SH3TC2: variants seen among roughly 807,000 people sequenced by gnomAD.
SH3TC2 encodes SH3 domain and tetratricopeptide repeats 2, also known as SH3 domain and tetratricopeptide repeat-containing protein 2.
In SH3TC2, 87 loss-of-function variants were observed where a neutral mutation model predicts 124.5. That is an observed-to-expected ratio of 0.70 (90% CI 0.59 to 0.84). The LOEUF (loss-of-function observed/expected upper bound fraction) is 0.84, where lower values mean the gene tolerates loss of function less well. Ranked by LOEUF, SH3TC2 falls within the 40% of genes least tolerant of loss-of-function variation. SH3TC2 has a pLI of 0.00. For missense variants in SH3TC2, 1,536 were observed against 1,566.4 expected (o/e 0.98, Z 0.33); for synonymous variants, 634 against 628.5 (o/e 1.01, Z -0.13).
At position 149,004,686 on chromosome 5, in the gene SH3TC2, A is replaced by T. The variant is rs1166829535; in HGVS notation, c.*25T>A. 2 of 1,611,684 alleles carry T rather than the reference A, an allele frequency of 1.2e-6. No homozygotes were observed. Among genetic ancestry groups the T allele is most frequent in the Admixed American group, 3.3e-5 (2 of 59,988 alleles). ...TGGGGTCAGAGTCTGGCCATGCCAA[A>T]TGTCCAGAGACAGGACAGCTTTCCT... On this transcript the variant is annotated 3_prime_UTR_variant, in exon 17 of 17. Transcript: ENST00000515425.
chr5:149,006,857 A>G, intron 16 of SH3TC2, 24 bp downstream of exon 16: 1 of 1,611,074 alleles, frequency 6.2e-7, no homozygotes. Flanking sequence ...GGCTGTCAGG[A>G]AATCTGGGAA....
chr5:149,048,089 C>T, intron 2 of SH3TC2, 100 bp from the exon 3 acceptor site: 1 of 1,512,510 alleles, frequency 6.6e-7, no homozygotes, highest in Non-Finnish European at 9.1e-7. Context: ...ATACCTGAAC[C>T]CTCAACTGGT....
chr5:149,018,450 G>A (rs1021491969), intron 12 of SH3TC2, among the ~76,000 whole-genome samples: 4 of 152,134 alleles, frequency 2.6e-5, no homozygotes, highest in African/African-American at 9.7e-5. Context: ...GGCTGGGAAG[G>A]CCTCACAATC....
intron 12 of SH3TC2, among the ~76,000 whole-genome samples, chr5:149,024,691 C>T (rs886886628): frequency 6.6e-6 from 1 of 152,164 alleles, no homozygotes; most frequent in Non-Finnish European, 1.5e-5. Context: ...GATTGCTTTC[C>T]TCCCAGCTCT....
intron 2 of SH3TC2, among the ~76,000 whole-genome samples, chr5:149,048,257 T>C (rs899614147): frequency 6.6e-6 from 1 of 152,198 alleles, no homozygotes. Context: ...GTACGGGGTT[T>C]ATTCCTACAC....
chr5:149,048,027 T>C (rs764516364), intron 2 of SH3TC2, 38 bp from the exon 3 acceptor site: 17 of 1,612,206 alleles, frequency 1.1e-5, no homozygotes, highest in African/African-American at 2.7e-5. Flanking sequence ...AGGCTGAAAA[T>C]AGAATAAAAA....
intron 12 of SH3TC2, among the ~76,000 whole-genome samples, chr5:149,024,704 G>A (rs562420420): frequency 1.3e-5 from 2 of 152,268 alleles, no homozygotes; most frequent in East Asian, 3.9e-4. Context: ...CCAGCTCTGT[G>A]GCTTCTGACT....
intron 9 of SH3TC2, 80 bp from the exon 10 acceptor site, chr5:149,028,798 A>C: frequency 6.9e-7 from 1 of 1,458,914 alleles, no homozygotes; most frequent in Non-Finnish European, 9.6e-7. Flanking sequence ...ACCCCAGATC[A>C]GTGGCCTCTT....
intron 12 of SH3TC2, among the ~76,000 whole-genome samples, chr5:149,016,607 A>G (rs1753876401): frequency 6.6e-6 from 1 of 152,208 alleles, no homozygotes; most frequent in Non-Finnish European, 1.5e-5. Flanking sequence ...TCAGTTCCAG[A>G]AAAATAAGAA....
intron 12 of SH3TC2, 132 bp downstream of exon 12, chr5:149,026,440 C>A: frequency 9.4e-7 from 1 of 1,068,862 alleles, no homozygotes; most frequent in Non-Finnish European, 1.4e-6. Flanking sequence ...GTGGTGGCTG[C>A]AGAGCCCTTG....
In SH3TC2 at chr5:148,988,665, C is replaced by A. The variant is rs749545774; in HGVS notation, c.*16046G>T. On this transcript the variant is annotated 3_prime_UTR_variant, in exon 17 of 17. Transcript: ENST00000515425. ...GAGGAAGCCATCTTCGATGCCCAGC[C>A]CAGAGGAGCCTTTGATGACTCCAGC... Among the ~76,000 whole-genome samples, 2 of 152,188 alleles carry A rather than the reference C, an allele frequency of 1.3e-5. No individual in the cohort carries two copies. The highest frequency in any genetic ancestry group is 2.4e-5 in the African/African-American group (1 of 41,444).
In SH3TC2 at chr5:149,006,603, A is replaced by G. The variant is rs191597866; in HGVS notation, c.3675+278T>C. 4.5e-3 allele frequency among the ~76,000 whole-genome samples: 686 copies of G among 152,228 alleles called. 6 individuals carry two copies. The highest frequency in any genetic ancestry group is 0.016 in the African/African-American group (670 of 41,538). On this transcript the variant is annotated intron_variant, in intron 16 of 16. Transcript: ENST00000515425. ...GCAATGTGCCTGTAGTATCTGACAG[A>G]TAAAGAAGCCACAGACATGGTGGCA... is the stretch of plus-strand genomic sequence containing the variant.
Position 149,012,661 on chromosome 5 carries a change from C to A in SH3TC2, c.3127G>T (p.Ala1043Ser), listed in dbSNP as rs200819602. ...CCCGCCCCAAGCCAGGCCTCAGCAGCCTTGTCTGTCTCCCCCAGGTCAATG... is the reference window on the plus strand; with the variant it reads ...CCCGCCCCAAGCCAGGCCTCAGCAGACTTGTCTGTCTCCCCCAGGTCAATG... ...IFIDLGETDK[A>S]AEAWLGAGRL... Residue 1043 changes from alanine (A) to serine (S), a missense_variant, in exon 13 of 17, where the codon GCT becomes TCT. By Grantham distance (99) the Ala-to-Ser change is moderately conservative (BLOSUM62 1). Around this residue, in one of 3 missense-constraint regions of SH3TC2, gnomAD observed 426 missense variants for 443.5 expected, o/e 0.96. Coordinates refer to ENST00000515425, the MANE Select transcript of SH3TC2 (RefSeq NM_024577.4). The A allele has an allele frequency of 1.6e-4, 251 of 1,614,032 alleles. No homozygotes were observed. The highest frequency in any genetic ancestry group is 1.9e-4 in the Non-Finnish European group (224 of 1,180,028).
At position 148,987,809 on chromosome 5, in the gene SH3TC2, C is replaced by CTGTGTGTGTG. The variant is rs71957589; in HGVS notation, c.*16892_*16901dup. 3.9e-3 allele frequency among the ~76,000 whole-genome samples: 530 copies of CTGTGTGTGTG among 135,406 alleles called. 5 individuals carry two copies. The highest frequency in any genetic ancestry group is 5.6e-3 in the South Asian group (21 of 3,760). The allele number at this position is 135,406 out of a possible 152,430, so 88.8% of individuals were successfully genotyped here. A position where few individuals can be genotyped will look rare whatever the true frequency, so the allele number is the denominator to read the frequency against. ...CCTCACTCGAGGCCTCATTCAAAAT[C>CTGTGTGTGTG]TGTGTGTGTGTGTGTGTGTGTGTGT... On this transcript the variant is annotated 3_prime_UTR_variant, in exon 17 of 17. Transcript: ENST00000515425.
chr5:149,038,744 C>CA lies in SH3TC2; in HGVS notation c.806-255dup, dbSNP rs577475435. On this transcript the variant is annotated intron_variant, in intron 7 of 16. Transcript: ENST00000515425. ...CAAAGAAAAAATGTTTTAACAAACA[C>CA]AAAAAAAGATTCTCAGATAGCGGAT... is the stretch of plus-strand genomic sequence containing the variant. Among the ~76,000 whole-genome samples the CA allele has an allele frequency of 5.3e-3, 814 of 152,188 alleles. 6 individuals carry two copies. The highest frequency in any genetic ancestry group is 0.014 in the Middle Eastern group (4 of 294).
rs115577291 is a variant in SH3TC2, at chr5:149,008,967, G to A, written c.3362C>T (p.Ala1121Val). 1,106 of 1,614,156 alleles carry A rather than the reference G, an allele frequency of 6.9e-4. 12 individuals carry two copies. In the African/African-American group the frequency reaches 0.013, roughly 19 times the overall value. The change falls in exon 15 of 17, where the codon GCG (alanine) becomes GTG (valine). Residue 1121 changes from alanine to valine, a missense_variant. Ala to Val is a moderately conservative substitution (Grantham distance 64, BLOSUM62 0). Around this residue, in one of 3 missense-constraint regions of SH3TC2, gnomAD observed 426 missense variants for 443.5 expected, o/e 0.96. Transcript: ENST00000515425. ...GAAAATCCGGAGCTCAGTTCTCACC[G>A]CCTTCAACCTCCTTGCTAAAGGAAC... Reference protein sequence around the residue: ...GAVPLARRLKAVRTELRIFNK... With the variant: ...GAVPLARRLKVVRTELRIFNK...
intron 2 of SH3TC2, among the ~76,000 whole-genome samples, chr5:149,051,907 A>G (rs899759818): frequency 6.6e-6 from 1 of 152,250 alleles, no homozygotes; most frequent in South Asian, 2.1e-4. Context: ...GCAAATAAGT[A>G]TGGAGCTCCT....
intron 14 of SH3TC2, 130 bp downstream of exon 14, chr5:149,010,140 C>A (rs1236385053): frequency 1.5e-6 from 2 of 1,314,080 alleles, no homozygotes; most frequent in Admixed American, 3.6e-5. Flanking sequence ...TAGGTGGGCA[C>A]TGGACAAGAA....
Position 149,001,833 on chromosome 5 carries a change from A to G in SH3TC2, c.*2878T>C, listed in dbSNP as rs980310043. 4.6e-5 allele frequency: 7 copies of G among 152,206 alleles called. No individual in the cohort carries two copies. The highest frequency in any genetic ancestry group is 1.7e-4 in the African/African-American group (7 of 41,440). The allele number at this position is 152,206 out of a possible 1,614,324, so 9.4% of individuals were successfully genotyped here. A position where few individuals can be genotyped will look rare whatever the true frequency, so the allele number is the denominator to read the frequency against. ...TAGCTAAAATTTCCAAGGAGATGTA[A>G]CATGGATAGAAACAACGCTCTTCAC... is the stretch of plus-strand genomic sequence containing the variant. On this transcript the variant is annotated 3_prime_UTR_variant, in exon 17 of 17. Coordinates refer to ENST00000515425, the MANE Select transcript of SH3TC2 (RefSeq NM_024577.4).
Sources: allele counts gnomAD v4.1 joint callset (sites outside exome capture counted in the v4.1 genomes callset), GRCh38; gene constraint gnomAD v4.1.1; regional missense constraint gnomAD v4.1.1; transcripts MANE v1.5; gene names NCBI Gene and HGNC (gene_info 2026-07-23, HGNC 2026-07-21).